UNC5C: variants seen among roughly 807,000 people sequenced by gnomAD.
UNC5C encodes the protein unc-5 netrin receptor C.
UNC5C carries 47 observed loss-of-function variants against 99.8 expected under a neutral mutation model. That is an observed-to-expected ratio of 0.47 (90% CI 0.37 to 0.60). UNC5C has a LOEUF of 0.60. Ranked by LOEUF, UNC5C falls within the 20% of genes least tolerant of loss-of-function variation. UNC5C has a pLI of 0.00. For missense variants in UNC5C, 1,062 were observed against 1,165.9 expected (o/e 0.91, Z 1.30); for synonymous variants, 487 against 452.2 (o/e 1.08, Z -0.98).
chr4:95,421,239 T>A (rs73838825), intron 1 of UNC5C, among the ~76,000 whole-genome samples: 1 of 152,202 alleles, frequency 6.6e-6, no homozygotes, highest in Non-Finnish European at 1.5e-5. Flanking sequence ...TAAAAGTTTC[T>A]TTACTATAGA....
intron 1 of UNC5C, among the ~76,000 whole-genome samples, chr4:95,446,974 T>C (rs1250103142): frequency 6.6e-6 from 1 of 152,186 alleles, no homozygotes; most frequent in African/African-American, 2.4e-5. Flanking sequence ...CTTACCATTA[T>C]CTATTCTTAA....
intron 4 of UNC5C, among the ~76,000 whole-genome samples, chr4:95,261,849 G>A (rs950012195): frequency 1.3e-5 from 2 of 152,140 alleles, no homozygotes; most frequent in African/African-American, 4.8e-5. Flanking sequence ...GACTACAGGG[G>A]CATGCCACGA....
At chr4:95,363,318 A>G (rs1744453507) in intron 1 of UNC5C, among the ~76,000 whole-genome samples, 1 of 152,172 alleles carries the variant, frequency 6.6e-6, no homozygotes, top group Admixed American at 6.5e-5. Flanking sequence ...CTAAATCAAG[A>G]GTCTGCAAAC....
intron 1 of UNC5C, among the ~76,000 whole-genome samples, chr4:95,345,268 T>C (rs1421496669): frequency 6.6e-6 from 1 of 151,990 alleles, no homozygotes; most frequent in South Asian, 2.1e-4. Flanking sequence ...AAGGTCATTA[T>C]AAAATGATAA....
chr4:95,441,298 G>A (rs1746943856), intron 1 of UNC5C, among the ~76,000 whole-genome samples: 1 of 152,198 alleles, frequency 6.6e-6, no homozygotes, highest in South Asian at 2.1e-4. Context: ...AAAGGAAGCA[G>A]TGGAACTGCT....
intron 1 of UNC5C, among the ~76,000 whole-genome samples, chr4:95,536,874 T>C (rs1722795083): frequency 6.6e-6 from 1 of 152,204 alleles, no homozygotes; most frequent in Admixed American, 6.5e-5. Flanking sequence ...TGGTTAGTAA[T>C]TTAATTGCTT....
intron 1 of UNC5C, among the ~76,000 whole-genome samples, chr4:95,471,983 G>A (rs531565874): frequency 6.6e-6 from 1 of 152,212 alleles, no homozygotes; most frequent in Middle Eastern, 3.4e-3. Flanking sequence ...ATCACATTAA[G>A]AGGATGTTTT....
intron 7 of UNC5C, among the ~76,000 whole-genome samples, chr4:95,225,756 A>T (rs1413150756): frequency 6.6e-6 from 1 of 152,234 alleles, no homozygotes; most frequent in Non-Finnish European, 1.5e-5. Context: ...AAAACAGACC[A>T]GTATTAAGTG....
At chr4:95,300,648 T>A (rs1486353137) in intron 3 of UNC5C, among the ~76,000 whole-genome samples, 3 of 152,192 alleles carry the variant, frequency 2.0e-5, no homozygotes, top group African/African-American at 7.2e-5. Flanking sequence ...TCCTACTAGA[T>A]TTTTTACAAA....
chr4:95,548,552 A>AT (rs1560502386), intron 1 of UNC5C, among the ~76,000 whole-genome samples, 182 bp downstream of exon 1: 12 of 151,550 alleles, frequency 7.9e-5, no homozygotes, highest in African/African-American at 2.9e-4. Context: ...CATAATAATA[A>AT]TAATAATTAT....
chr4:95,196,526 T>A (rs1257131100), intron 12 of UNC5C, among the ~76,000 whole-genome samples: 1 of 151,792 alleles, frequency 6.6e-6, no homozygotes, highest in Non-Finnish European at 1.5e-5. Context: ...ATGCTAATTC[T>A]GTATCAGTGC....
At chr4:95,378,605 A>C (rs1194308589) in intron 1 of UNC5C, among the ~76,000 whole-genome samples, 1 of 152,208 alleles carries the variant, frequency 6.6e-6, no homozygotes, top group African/African-American at 2.4e-5. Flanking sequence ...TACATGGCAT[A>C]CCATAGATCT....
At chr4:95,287,258 A>G (rs1741270978) in intron 3 of UNC5C, among the ~76,000 whole-genome samples, 2 of 152,242 alleles carry the variant, frequency 1.3e-5, no homozygotes, top group Non-Finnish European at 2.9e-5. Context: ...ATGTTAGGCC[A>G]TAAATGTGGG....
At chr4:95,430,295 TCTCAA>T (rs1280375552) in intron 1 of UNC5C, among the ~76,000 whole-genome samples, 1 of 152,102 alleles carries the variant, frequency 6.6e-6, no homozygotes, top group African/African-American at 2.4e-5. Context: ...TGTACCTCTC[TCTCAA>T]ATTTGCTGTG....
intron 14 of UNC5C, among the ~76,000 whole-genome samples, chr4:95,176,656 A>T (rs973624466): frequency 6.6e-6 from 1 of 152,208 alleles, no homozygotes; most frequent in South Asian, 2.1e-4. Flanking sequence ...GCTGTCTGAC[A>T]GGGACATTTA....
intron 1 of UNC5C, among the ~76,000 whole-genome samples, chr4:95,361,051 C>T (rs542515126): frequency 4.3e-4 from 65 of 152,232 alleles, no homozygotes; most frequent in African/African-American, 1.2e-3. Flanking sequence ...TTGACATTTC[C>T]AGCATATCAT....
At chr4:95,434,259 A>G (rs1216050025) in intron 1 of UNC5C, among the ~76,000 whole-genome samples, 1 of 152,056 alleles carries the variant, frequency 6.6e-6, no homozygotes, top group African/African-American at 2.4e-5. Flanking sequence ...TTCTACAATA[A>G]TGCATCACAT....
At chr4:95,221,366 G>A (rs1197710314) in intron 7 of UNC5C, among the ~76,000 whole-genome samples, 1 of 152,054 alleles carries the variant, frequency 6.6e-6, no homozygotes, top group Non-Finnish European at 1.5e-5. Flanking sequence ...TTTCCAATTT[G>A]TAGGTCCCAT....
At chr4:95,356,454 T>C (rs1021192408) in intron 1 of UNC5C, among the ~76,000 whole-genome samples, 3 of 152,150 alleles carry the variant, frequency 2.0e-5, no homozygotes, top group African/African-American at 7.2e-5. Context: ...GAAAGGAACA[T>C]TGAACCATGA....
Sources: gnomAD v4.1 joint callset for allele counts (sites outside exome capture counted in the v4.1 genomes callset) on GRCh38, gnomAD v4.1.1 for gene constraint, MANE v1.5 for transcripts, NCBI Gene and HGNC (gene_info 2026-07-23, HGNC 2026-07-21) for gene names.